DNAAF4: variants seen among roughly 807,000 people sequenced by gnomAD.
The protein encoded by DNAAF4 is dynein assembly factor 4, axonemal.
Under a neutral mutation model 51.8 loss-of-function variants are expected in DNAAF4, and 43 were observed. The observed-to-expected ratio is 0.83, with a 90% CI of 0.65 to 1.07. The LOEUF is 1.07. DNAAF4 is among the 50% of genes least tolerant of loss of function. The probability of loss-of-function intolerance (pLI) is 0.00; values close to 1 mark genes in which losing one functional copy is unlikely to be tolerated. For missense variants in DNAAF4, 581 were observed against 493.0 expected (o/e 1.18, Z -1.69); for synonymous variants, 194 against 165.6 (o/e 1.17, Z -1.32).
chr15:55,428,373 TAA>T (rs1310430689), downstream of DNAAF4, among the ~76,000 whole-genome samples: 13 of 151,988 alleles, frequency 8.6e-5, no homozygotes, highest in East Asian at 2.5e-3. Flanking sequence ...AACTATACAC[TAA>T]GTTTTTTAAA....
chr15:55,434,574 T>A (rs192104794), intron 8 of DNAAF4, among the ~76,000 whole-genome samples: 1 of 152,214 alleles, frequency 6.6e-6, no homozygotes, highest in East Asian at 1.9e-4. Flanking sequence ...GGCTCATGTC[T>A]GTAATCCCAG....
At position 55,458,695 on chromosome 15, in the gene DNAAF4, C is replaced by T. The variant is rs557622688; in HGVS notation, c.637+8235G>A. On this transcript the variant is annotated intron_variant, in intron 5 of 9. Transcript: ENST00000321149. ...AAATACAAGAAGCTCAAAGAACACC[C>T]GGGGAATTCATTGCAAAAAGATCAT... 2.6e-5 allele frequency among the ~76,000 whole-genome samples: 4 copies of T among 152,166 alleles called. No individual in the cohort carries two copies. The South Asian group carries it at 6.2e-4, about 24-fold the overall frequency.
intron 4 of DNAAF4, among the ~76,000 whole-genome samples, chr15:55,483,686 G>A (rs2058442865): frequency 6.6e-6 from 1 of 151,530 alleles, no homozygotes; most frequent in African/African-American, 2.4e-5. Context: ...GATTACAAGT[G>A]CACACCACCA....
chr15:55,447,420 C>T (rs915525641), intron 6 of DNAAF4, among the ~76,000 whole-genome samples: 2 of 151,948 alleles, frequency 1.3e-5, no homozygotes, highest in African/African-American at 4.8e-5. Context: ...GAGGCCAAGG[C>T]AGGCGGCTGG....
In DNAAF4 at chr15:55,472,913, C is replaced by T. The variant is rs1440191190; in HGVS notation, c.406-5752G>A. 2.6e-5 allele frequency among the ~76,000 whole-genome samples: 4 copies of T among 152,058 alleles called. No individual in the cohort carries two copies. In the South Asian group the frequency reaches 8.3e-4, roughly 32 times the overall value. ...CGGCATGGAGGCTCACGCCTGTAAA[C>T]CCAACACTTTGGGAAGCCGAGTCAG... On this transcript the variant is annotated intron_variant, in intron 4 of 9. Transcript: ENST00000321149.
intron 1 of DNAAF4, among the ~76,000 whole-genome samples, chr15:55,507,074 CT>C (rs1437287979): frequency 1.3e-5 from 2 of 152,110 alleles, no homozygotes; most frequent in Non-Finnish European, 2.9e-5. Flanking sequence ...TGGTCTCGAA[CT>C]TCTGACCTCA....
In DNAAF4 at chr15:55,498,326, G is replaced by T. The variant is rs143493699; in HGVS notation, c.4C>A (p.Pro2Thr). 1 of 1,601,524 alleles carries T rather than the reference G, an allele frequency of 6.2e-7. No individual in the cohort carries two copies. The highest frequency in any genetic ancestry group is 8.5e-7 in the Non-Finnish European group (1 of 1,172,602). Residue 2 changes from proline to threonine, a missense_variant, in exon 2 of 10, where the codon CCT becomes ACT. Coordinates refer to ENST00000321149, the MANE Select transcript of DNAAF4 (RefSeq NM_130810.4). ...CAGCTGTAATCGCTAACCTGAAGAG[G>T]CATTCCGGTAGCAACGGGAGCGGAT... is the stretch of plus-strand genomic sequence containing the variant. M[P>T]LQVSDYSWQQ...
At chr15:55,468,258 C>T (rs975701690) in intron 4 of DNAAF4, among the ~76,000 whole-genome samples, 4 of 152,122 alleles carry the variant, frequency 2.6e-5, no homozygotes, top group African/African-American at 9.7e-5. Flanking sequence ...AGTATGAAAC[C>T]TGTGCACTGA....
At chr15:55,505,390 C>G (rs946801529) in intron 1 of DNAAF4, among the ~76,000 whole-genome samples, 1 of 152,042 alleles carries the variant, frequency 6.6e-6, no homozygotes, top group Non-Finnish European at 1.5e-5. Flanking sequence ...ACTAGAAATA[C>G]CATTTGACCC....
intron 1 of DNAAF4, among the ~76,000 whole-genome samples, chr15:55,504,177 A>G (rs913597977): frequency 5.3e-5 from 8 of 152,156 alleles, no homozygotes; most frequent in African/African-American, 1.9e-4. Flanking sequence ...CACAATTGCT[A>G]CAAAGAGAAT....
In DNAAF4 at chr15:55,497,727, G is replaced by C. The variant is rs768997388; in HGVS notation, c.256C>G (p.Leu86Val). Reference protein sequence around the residue: ...YKKEAAMWETLSVTGVDKEMM... With the variant: ...YKKEAAMWETVSVTGVDKEMM... ...AAGAACTTACCACCCGTCACAGAAAGGGTCTCCCACATGGCCGCTTCTTTT... is the reference window on the plus strand; with the variant it reads ...AAGAACTTACCACCCGTCACAGAAACGGTCTCCCACATGGCCGCTTCTTTT... The change falls in exon 3 of 10, where the codon CTT (leucine) becomes GTT (valine). Residue 86 changes from leucine (L) to valine (V), a missense_variant. Coordinates refer to ENST00000321149, the MANE Select transcript of DNAAF4 (RefSeq NM_130810.4). 1.2e-6 allele frequency: 2 copies of C among 1,609,490 alleles called. No individual in the cohort carries two copies. Among genetic ancestry groups the C allele is most frequent in the African/African-American group, 2.7e-5 (2 of 74,622 alleles).
intron 4 of DNAAF4, among the ~76,000 whole-genome samples, chr15:55,484,542 TCTA>T (rs2058460487): frequency 6.6e-6 from 1 of 151,904 alleles, no homozygotes; most frequent in East Asian, 1.9e-4. Flanking sequence ...TATATCCACT[TCTA>T]GATACAAGCC....
intron 7 of DNAAF4, among the ~76,000 whole-genome samples, chr15:55,420,078 A>G (rs745895552): frequency 1.3e-5 from 2 of 152,214 alleles, no homozygotes; most frequent in Non-Finnish European, 2.9e-5. Context: ...TTTGTAATGT[A>G]AAGTAGGCAG....
chr15:55,460,176 C>G (rs567495385), intron 5 of DNAAF4, among the ~76,000 whole-genome samples: 2 of 138,014 alleles, frequency 1.4e-5, no homozygotes, highest in South Asian at 2.3e-4. Context: ...TATTTATTTA[C>G]TTATTTATTT....
At position 55,450,348 on chromosome 15, in the gene DNAAF4, T is replaced by C; in HGVS notation, c.657A>G (p.Ile219Met). Residue 219 changes from isoleucine (I) to methionine (M), a missense_variant, in exon 6 of 10, where the codon ATA (isoleucine) becomes ATG (methionine). By Grantham distance (10) the Ile-to-Met change is conservative (BLOSUM62 1). Transcript: ENST00000321149. ...TGTCTTCCTTTAACTTCTCAGTAAA[T>C]ATATTTTCTGAATTTCTCCCTTCAA... ...LAPKGRNSEN[I>M]FTEKLKEDSI... is the part of the protein sequence containing the mutation. 1.2e-6 allele frequency: 2 copies of C among 1,610,226 alleles called. No homozygotes were observed. Among genetic ancestry groups the C allele is most frequent in the South Asian group, 1.1e-5 (1 of 89,640 alleles).
At chr15:55,474,839 G>A (rs779602344) in intron 4 of DNAAF4, among the ~76,000 whole-genome samples, 7 of 151,946 alleles carry the variant, frequency 4.6e-5, no homozygotes, top group Non-Finnish European at 1.0e-4. Context: ...AGTTAGCCAG[G>A]TGCAGTGGCG....
At chr15:55,462,685 A>G (rs1231798599) in intron 5 of DNAAF4, among the ~76,000 whole-genome samples, 2 of 152,144 alleles carry the variant, frequency 1.3e-5, no homozygotes, top group Non-Finnish European at 1.5e-5. Flanking sequence ...CACAGATGTA[A>G]CACTCCTCAA....
At chr15:55,439,269 G>A (rs1415259285) in intron 7 of DNAAF4, among the ~76,000 whole-genome samples, 1 of 152,090 alleles carries the variant, frequency 6.6e-6, no homozygotes, top group Non-Finnish European at 1.5e-5. Flanking sequence ...CCAGGCTAAT[G>A]TTTTATTTTG....
rs137940557 is a variant in DNAAF4, at chr15:55,498,362, G to C, written c.-33C>G. ...GCAACGGGAGCGGATAGCGCGGCTG[G>C]TTGCTTCTTGCGCCTGCTTGGTTGC... On this transcript the variant is annotated 5_prime_UTR_variant, in exon 2 of 10. Transcript: ENST00000321149. 1.3e-4 allele frequency: 213 copies of C among 1,588,756 alleles called. No homozygotes were observed. The East Asian group carries it at 4.6e-3, about 34-fold the overall frequency.
Sources: allele counts gnomAD v4.1 joint callset (sites outside exome capture counted in the v4.1 genomes callset), GRCh38; gene constraint gnomAD v4.1.1; transcripts MANE v1.5; gene names NCBI Gene and HGNC (gene_info 2026-07-23, HGNC 2026-07-21).